Variants in RPS6KA5 observed in about 807,000 individuals in gnomAD.
RPS6KA5 encodes the protein ribosomal protein S6 kinase alpha-5.
In RPS6KA5, 27 loss-of-function variants were observed where a neutral mutation model predicts 85.5. That is an observed-to-expected ratio of 0.32 (90% confidence interval 0.23 to 0.44). The LOEUF (loss-of-function observed/expected upper bound fraction) is 0.44, where lower values mean the gene tolerates loss of function less well. RPS6KA5 is among the 20% of genes least tolerant of loss of function. The probability of loss-of-function intolerance (pLI) is 1.00; values close to 1 mark genes in which losing one functional copy is unlikely to be tolerated. For synonymous variants in RPS6KA5, 334 were observed against 348.2 expected, an observed-to-expected ratio of 0.96 and a Z score of 0.46; for missense variants, 811 against 980.9, an observed-to-expected ratio of 0.83 and a Z score of 2.31.
chr14:91,030,765 TAAAAC>T (rs1393542588), intron 1 of RPS6KA5, among the ~76,000 whole-genome samples: 2 of 148,616 alleles, frequency 1.3e-5, no homozygotes, highest in Non-Finnish European at 3.0e-5. Context: ...TAAGAAGAAA[TAAAAC>T]AAAAAATCAA....
chr14:90,977,750 T>C (rs530218991), intron 3 of RPS6KA5, among the ~76,000 whole-genome samples: 1 of 152,250 alleles, frequency 6.6e-6, no homozygotes, highest in South Asian at 2.1e-4. Context: ...AATTCAAATG[T>C]TTCTTAACAT....
intron 2 of RPS6KA5, among the ~76,000 whole-genome samples, chr14:90,980,359 G>A (rs2039739665): frequency 2.6e-5 from 4 of 152,146 alleles, no homozygotes; most frequent in Admixed American, 2.6e-4. Flanking sequence ...GAGCACTATG[G>A]TTTTTAGAAA....
At chr14:90,987,698 GCCACAACAA>G (rs1398497980) in intron 2 of RPS6KA5, among the ~76,000 whole-genome samples, 9 of 137,208 alleles carry the variant, frequency 6.6e-5, no homozygotes, top group East Asian at 2.0e-4. Flanking sequence ...AGCAGCAGCA[GCCACAACAA>G]CAACAACAAC....
In RPS6KA5 at chr14:90,850,310, T is replaced by A. The variant is rs1454996454; in HGVS notation, c.*21764A>T. The A allele has an allele frequency of 2.0e-5, 3 of 152,320 alleles. No individual in the cohort carries two copies. In the East Asian group the frequency reaches 5.8e-4, roughly 29 times the overall value. The allele number at this position is 152,320 out of a possible 1,614,324, so 9.4% of individuals were successfully genotyped here. ...TACAGAATGACAAGAAGAACAGTCA[T>A]GATTGTAGTCAATTTTAAAAATAGA... On this transcript the variant is annotated 3_prime_UTR_variant, in exon 17 of 17. Transcript: ENST00000614987.
At chr14:91,005,950 T>C (rs977111479) in intron 1 of RPS6KA5, among the ~76,000 whole-genome samples, 2 of 7,390 alleles carry the variant, frequency 2.7e-4, no homozygotes, top group Admixed American at 3.2e-3. Context: ...CCTGCATGCC[T>C]AGATCAGACT....
At chr14:90,941,930 G>A (rs545764570) in intron 5 of RPS6KA5, among the ~76,000 whole-genome samples, 8 of 152,030 alleles carry the variant, frequency 5.3e-5, no homozygotes, top group Admixed American at 4.6e-4. Flanking sequence ...TTTTTACAAA[G>A]GCATAAAAAG....
At chr14:90,964,976 T>G (rs549880480) in intron 3 of RPS6KA5, among the ~76,000 whole-genome samples, 2 of 148,922 alleles carry the variant, frequency 1.3e-5, no homozygotes, top group Non-Finnish European at 3.0e-5. Context: ...CAAACTTGGA[T>G]TGGCAAGTCA....
At chr14:91,054,637 GAA>G (rs764680509) in intron 1 of RPS6KA5, among the ~76,000 whole-genome samples, 10 of 79,296 alleles carry the variant, frequency 1.3e-4, no homozygotes, top group Admixed American at 1.5e-4. Flanking sequence ...CTCTGTCTCA[GAA>G]AAAAAAAAAA....
At chr14:91,047,160 T>C (rs1431373994) in intron 1 of RPS6KA5, among the ~76,000 whole-genome samples, 4 of 152,222 alleles carry the variant, frequency 2.6e-5, no homozygotes, top group African/African-American at 9.7e-5. Context: ...TAATTATATG[T>C]TTACCTAATC....
At chr14:90,955,922 G>C (rs1237336625) in intron 3 of RPS6KA5, among the ~76,000 whole-genome samples, 3 of 152,000 alleles carry the variant, frequency 2.0e-5, no homozygotes, top group Non-Finnish European at 2.9e-5. Flanking sequence ...TATATTGTTA[G>C]GCCCTTGATC....
At chr14:91,007,756 T>G (rs888114515) in intron 1 of RPS6KA5, among the ~76,000 whole-genome samples, 2 of 152,074 alleles carry the variant, frequency 1.3e-5, no homozygotes, top group African/African-American at 4.8e-5. Context: ...AGGTGGTGAT[T>G]GATGTAATTT....
chr14:90,927,868 C>G (rs1393213301), intron 5 of RPS6KA5, among the ~76,000 whole-genome samples: 1 of 151,752 alleles, frequency 6.6e-6, no homozygotes. Context: ...AATCCTGTAT[C>G]CATCAATTAG....
chr14:90,982,641 A>G (rs1479509812), intron 2 of RPS6KA5, among the ~76,000 whole-genome samples: 1 of 152,240 alleles, frequency 6.6e-6, no homozygotes, highest in African/African-American at 2.4e-5. Flanking sequence ...AATCTTATCA[A>G]CTACATCAGA....
chr14:90,872,455 T>G, intron 16 of RPS6KA5, 133 bp from the exon 17 acceptor site: 12 of 1,133,158 alleles, frequency 1.1e-5, no homozygotes, highest in Non-Finnish European at 1.5e-5. Flanking sequence ...AACAAAGCTC[T>G]TAAAACCTTT....
intron 3 of RPS6KA5, 129 bp downstream of exon 3, chr14:90,978,177 C>T (rs1166102627): frequency 4.6e-6 from 3 of 645,340 alleles, no homozygotes; most frequent in African/African-American, 3.8e-5. Context: ...GGAGATGCCA[C>T]CACAAAGAAT....
At chr14:90,920,685 GA>G (rs570630296) in intron 6 of RPS6KA5, among the ~76,000 whole-genome samples, 2,130 of 145,274 alleles carry the variant, frequency 0.015, 34 homozygotes, top group African/African-American at 0.04. Flanking sequence ...AACAATAAAT[GA>G]AAAAAAAAAC....
intron 2 of RPS6KA5, among the ~76,000 whole-genome samples, chr14:90,995,577 G>A (rs534627010): frequency 3.3e-5 from 5 of 152,110 alleles, no homozygotes; most frequent in Non-Finnish European, 7.4e-5. Context: ...GAACTAGCTC[G>A]GAATTCACTG....
chr14:90,893,965 C>A (rs1461641832), intron 13 of RPS6KA5: 3 of 828,462 alleles, frequency 3.6e-6, no homozygotes, highest in African/African-American at 3.7e-5. Context: ...CAAGACAACT[C>A]TTTAAGTATT....
chr14:90,953,033 C>T (rs893711997), intron 3 of RPS6KA5, among the ~76,000 whole-genome samples: 3 of 152,026 alleles, frequency 2.0e-5, no homozygotes, highest in Admixed American at 6.6e-5. Context: ...AAGAATCCTG[C>T]GTCAAAACCA....
Sources: allele counts gnomAD v4.1 joint callset (sites outside exome capture counted in the v4.1 genomes callset), GRCh38; gene constraint gnomAD v4.1.1; transcripts MANE v1.5; gene names NCBI Gene and HGNC (gene_info 2026-07-23, HGNC 2026-07-21).